Variants in PRRG1 observed in about 807,000 individuals in gnomAD.
PRRG1 encodes the protein transmembrane gamma-carboxyglutamic acid protein 1.
A neutral mutation model predicts 11.8 loss-of-function variants in PRRG1; 5 were observed. That is an observed-to-expected ratio of 0.42 (90% confidence interval 0.22 to 0.89). The LOEUF is 0.89. Among genes scored for constraint, PRRG1 ranks in the 40% least tolerant of loss-of-function variants. The pLI is 0.28. For synonymous variants in PRRG1, 66 were observed against 60.4 expected, an observed-to-expected ratio of 1.09 and a Z score of -0.43; for missense variants, 155 against 166.1, an observed-to-expected ratio of 0.93 and a Z score of 0.37.
At chrX:37,408,256 T>C (rs1236295339) in intron 2 of PRRG1, among the ~76,000 whole-genome samples, 1 of 110,704 alleles carries the variant, frequency 9.0e-6, no homozygotes, top group Admixed American at 9.7e-5. Flanking sequence ...GAGAGTTTAA[T>C]AGACTAGAAA....
rs782500669 is a variant in PRRG1 at position 37,374,955 on chromosome X, A to G, written c.-42+25560A>G. Among the ~76,000 whole-genome samples the G allele has an allele frequency of 3.6e-5, 4 of 111,244 alleles. No homozygotes were observed. In the South Asian group the frequency reaches 1.5e-3, roughly 42 times the overall value. On this transcript the variant is annotated intron_variant, in intron 1 of 3. Coordinates refer to ENST00000378628, the MANE Select transcript of PRRG1 (RefSeq NM_001142395.2). ...GAATAGACCTTTAGTGTAAGGTTTT[A>G]TGTTTATTTGGTTAGGGATTAAGCT...
At chrX:37,423,525 T>C (rs1932717551) in intron 2 of PRRG1, among the ~76,000 whole-genome samples, 1 of 109,690 alleles carries the variant, frequency 9.1e-6, no homozygotes, top group African/African-American at 3.3e-5. Context: ...TTTTTTATTT[T>C]TTAATTTAAT....
intron 2 of PRRG1, among the ~76,000 whole-genome samples, chrX:37,421,878 G>A (rs1932669201): frequency 1.8e-5 from 2 of 111,909 alleles, no homozygotes; most frequent in African/African-American, 6.5e-5. Flanking sequence ...CTTTCCTACA[G>A]GTCAGATTCT....
intron 3 of PRRG1, among the ~76,000 whole-genome samples, chrX:37,451,119 A>C (rs1467738064): frequency 3.6e-5 from 4 of 111,852 alleles, no homozygotes; most frequent in African/African-American, 1.3e-4. Flanking sequence ...CCCAGTTTCA[A>C]GCAGTTCTCC....
chrX:37,373,031 A>G (rs1465762073), intron 1 of PRRG1, among the ~76,000 whole-genome samples: 2 of 111,919 alleles, frequency 1.8e-5, no homozygotes, highest in Non-Finnish European at 3.8e-5. Flanking sequence ...CAGTTTTCCT[A>G]TCACTATTTA....
At chrX:37,361,321 G>A (rs1276428166) in intron 1 of PRRG1, among the ~76,000 whole-genome samples, 4 of 105,844 alleles carry the variant, frequency 3.8e-5, no homozygotes, top group African/African-American at 1.4e-4. Flanking sequence ...CAGCCTGGGC[G>A]ACAGAGCGAG....
intron 2 of PRRG1, among the ~76,000 whole-genome samples, chrX:37,420,668 C>CAAAAAAAAAAAAAAAAAAAAAAAAAA (rs1302856034): frequency 3.4e-5 from 1 of 29,533 alleles, no homozygotes; most frequent in East Asian, 1.0e-3. Context: ...CCCGTCTATG[C>CAAAAAAAAAAAAAAAAAAAAAAAAAA]AAAAAAAAAA....
chrX:37,413,064 G>A (rs1440008525), intron 2 of PRRG1, among the ~76,000 whole-genome samples: 2 of 111,103 alleles, frequency 1.8e-5, no homozygotes, highest in Admixed American at 9.6e-5. Context: ...CCATTAAGCA[G>A]TCACTTAATC....
At chrX:37,421,421 G>T (rs1413830814) in intron 2 of PRRG1, among the ~76,000 whole-genome samples, 1 of 111,706 alleles carries the variant, frequency 9.0e-6, no homozygotes, top group Non-Finnish European at 1.9e-5. Flanking sequence ...CTTGATTAAG[G>T]CATGCACATG....
chrX:37,356,794 A>G (rs1365183376), intron 1 of PRRG1, among the ~76,000 whole-genome samples: 3 of 111,127 alleles, frequency 2.7e-5, no homozygotes, highest in Non-Finnish European at 5.7e-5. Flanking sequence ...TTACAAGGAA[A>G]GTACAGAGAG....
intron 1 of PRRG1, among the ~76,000 whole-genome samples, chrX:37,358,860 CT>C (rs1170043259): frequency 8.9e-5 from 10 of 111,805 alleles, no homozygotes; most frequent in African/African-American, 3.2e-4. Context: ...CATGGGATAT[CT>C]TTCCATTTAT....
chrX:37,358,227 A>G (rs1490053355), intron 1 of PRRG1, among the ~76,000 whole-genome samples: 1 of 111,296 alleles, frequency 9.0e-6, no homozygotes, highest in African/African-American at 3.3e-5. Context: ...TTGACAGTGT[A>G]TTTTGCTGAG....
At position 37,374,552 on chromosome X, in the gene PRRG1, G is replaced by A. The variant is rs781986494; in HGVS notation, c.-42+25157G>A. On this transcript the variant is annotated intron_variant, in intron 1 of 3. Transcript: ENST00000378628. ...TAAATTCGCTTATGTATGACTGTTCGATATCATCTATTAAGTTTTTGAGCT... is the reference window on the plus strand; with the variant it reads ...TAAATTCGCTTATGTATGACTGTTCAATATCATCTATTAAGTTTTTGAGCT... 7.2e-5 allele frequency among the ~76,000 whole-genome samples: 8 copies of A among 110,798 alleles called. 1 individual carries two copies. In the South Asian group the frequency reaches 1.1e-3, roughly 16 times the overall value.
chrX:37,419,916 C>T (rs1220927835), intron 2 of PRRG1, among the ~76,000 whole-genome samples: 1 of 112,119 alleles, frequency 8.9e-6, no homozygotes, highest in African/African-American at 3.2e-5. Context: ...GGAGACCAAA[C>T]TCCCAGGCAT....
At chrX:37,405,782 T>G (rs782406096) in intron 1 of PRRG1, among the ~76,000 whole-genome samples, 2 of 111,658 alleles carry the variant, frequency 1.8e-5, no homozygotes, top group South Asian at 3.8e-4. Context: ...TAAAGGGTAT[T>G]GGATTTGTCA....
chrX:37,406,290 G>T (rs1031345912), intron 2 of PRRG1, 31 bp downstream of exon 2: 1 of 1,158,453 alleles, frequency 8.6e-7, no homozygotes, highest in Admixed American at 2.2e-5. Flanking sequence ...AAGTAATTCA[G>T]ACTGTCTCCA....
chrX:37,388,644 C>T (rs1931416694), intron 1 of PRRG1, among the ~76,000 whole-genome samples: 1 of 113,276 alleles, frequency 8.8e-6, no homozygotes, highest in Admixed American at 9.2e-5. Flanking sequence ...GGCAGCAGGG[C>T]CCTGGGCCTG....
intron 1 of PRRG1, among the ~76,000 whole-genome samples, chrX:37,368,389 T>G (rs1930647723): frequency 1.8e-5 from 2 of 112,102 alleles, no homozygotes; most frequent in Non-Finnish European, 3.8e-5. Flanking sequence ...GGTATGATCT[T>G]TTCTATTGAA....
intron 1 of PRRG1, among the ~76,000 whole-genome samples, chrX:37,360,797 G>T (rs1273665721): frequency 8.9e-6 from 1 of 112,240 alleles, no homozygotes; most frequent in Non-Finnish European, 1.9e-5. Context: ...ATGGCAAAGT[G>T]ATTTGGTTAT....
Sources: allele counts gnomAD v4.1 joint callset (sites outside exome capture counted in the v4.1 genomes callset), GRCh38; gene constraint gnomAD v4.1.1; transcripts MANE v1.5; gene names NCBI Gene and HGNC (gene_info 2026-07-23, HGNC 2026-07-21).